Variants in GRID1 observed in about 807,000 individuals in gnomAD.
GRID1 encodes the protein glutamate ionotropic receptor delta type subunit 1.
GRID1 carries 28 observed loss-of-function variants against 98.0 expected under a neutral mutation model. The ratio of observed to expected loss-of-function variants is 0.29; its 90% CI spans 0.21 to 0.39. The LOEUF (loss-of-function observed/expected upper bound fraction) is 0.39. GRID1 is among the 10% of genes least tolerant of loss of function. GRID1 has a pLI of 1.00. For synonymous variants in GRID1, 553 were observed against 538.5 expected (o/e 1.03, Z -0.37); for missense variants, 1,111 against 1,340.5 (o/e 0.83, Z 2.67).
intron 14 of GRID1, among the ~76,000 whole-genome samples, 178 bp from the exon 15 acceptor site, chr10:85,613,825 T>C (rs935822841): frequency 6.6e-6 from 1 of 152,226 alleles, no homozygotes; most frequent in Admixed American, 6.5e-5. Context: ...TAAAGTGTTA[T>C]TCCCAAAACG....
In GRID1 at chr10:86,113,082, C is replaced by T. The variant is rs1176656505; in HGVS notation, c.726+25737G>A. ...AAAGTGAGGCTTTAAGGGTCTTACT[C>T]ATCTGATGCATGCAATGATATTTGT... On this transcript the variant is annotated intron_variant, in intron 4 of 15. Transcript: ENST00000327946. 6.6e-5 allele frequency among the ~76,000 whole-genome samples: 10 copies of T among 152,332 alleles called. No homozygotes were observed. The South Asian group carries it at 1.0e-3, about 16-fold the overall frequency.
chr10:86,341,438 G>A (rs370537363), intron 2 of GRID1, among the ~76,000 whole-genome samples: 19 of 152,176 alleles, frequency 1.2e-4, no homozygotes, highest in South Asian at 8.3e-4. Context: ...AGAAGGGCCC[G>A]CTTAGGGAAA....
At chr10:86,286,175 G>A (rs1158405942) in intron 2 of GRID1, among the ~76,000 whole-genome samples, 1 of 152,128 alleles carries the variant, frequency 6.6e-6, no homozygotes, top group East Asian at 1.9e-4. Context: ...ATAGATATAG[G>A]TGCATAGGTA....
chr10:86,197,859 C>T (rs940302558), intron 3 of GRID1, among the ~76,000 whole-genome samples: 2 of 152,022 alleles, frequency 1.3e-5, no homozygotes, highest in Non-Finnish European at 2.9e-5. Context: ...GTAATTAGAT[C>T]GAAGAACAAA....
chr10:86,102,429 A>C (rs780440240), intron 4 of GRID1, among the ~76,000 whole-genome samples: 9 of 152,264 alleles, frequency 5.9e-5, no homozygotes, highest in Non-Finnish European at 8.8e-5. Flanking sequence ...GGGCAGCTGA[A>C]GAAAGGGTCA....
rs556410146 is a variant in GRID1, at chr10:85,919,067, GC to G, written c.727-2829del. On this transcript the variant is annotated intron_variant, in intron 4 of 15. Transcript: ENST00000327946. ...CTGACCCTGCCTCTTGGCTTCAGGG[GC>G]TGAGAGCCCTGCTTCAGAATATGTA... Among the ~76,000 whole-genome samples the G allele has an allele frequency of 2.8e-3, 424 of 152,322 alleles. 1 individual carries two copies. Among genetic ancestry groups the G allele is most frequent in the African/African-American group, 9.6e-3 (398 of 41,578 alleles).
At chr10:86,316,539 G>A (rs1293387185) in intron 2 of GRID1, among the ~76,000 whole-genome samples, 1 of 152,236 alleles carries the variant, frequency 6.6e-6, no homozygotes, top group Admixed American at 6.5e-5. Flanking sequence ...AGCTGCCCCA[G>A]CCTAGGTGGA....
chr10:85,986,944 C>A (rs760443798), intron 4 of GRID1, among the ~76,000 whole-genome samples: 3 of 152,308 alleles, frequency 2.0e-5, no homozygotes, highest in Admixed American at 6.5e-5. Context: ...CCATCACAAC[C>A]ACTACAGCTC....
intron 4 of GRID1, among the ~76,000 whole-genome samples, chr10:86,110,473 C>T (rs1435344520): frequency 6.6e-6 from 1 of 152,170 alleles, no homozygotes; most frequent in African/African-American, 2.4e-5. Flanking sequence ...CAGCAGCCAC[C>T]TATTGAGAAG....
intron 8 of GRID1, among the ~76,000 whole-genome samples, chr10:85,746,972 T>G (rs2949391): frequency 0.67 from 102,567 of 151,998 alleles, 34,781 homozygotes; most frequent in East Asian, 0.81. Flanking sequence ...TATTCCCACA[T>G]CATCTAAAAT....
chr10:85,707,304 A>T (rs1374043235), intron 12 of GRID1, among the ~76,000 whole-genome samples: 1 of 152,244 alleles, frequency 6.6e-6, no homozygotes, highest in African/African-American at 2.4e-5. Context: ...AGTGGGCTAA[A>T]GGATATGAAC....
chr10:86,336,288 A>G lies in GRID1; in HGVS notation c.235+27653T>C, dbSNP rs536469132. Reference sequence around the variant, plus strand: ...TGCACAATGGCAGAGGCAGAGGCTAAAGGCTGATCACTGTAATCCCCAGCC... The same window carrying G: ...TGCACAATGGCAGAGGCAGAGGCTAGAGGCTGATCACTGTAATCCCCAGCC... On this transcript the variant is annotated intron_variant, in intron 2 of 15. Transcript: ENST00000327946. 1.4e-3 allele frequency among the ~76,000 whole-genome samples: 212 copies of G among 152,360 alleles called. 1 individual carries two copies. Among genetic ancestry groups the G allele is most frequent in the African/African-American group, 4.8e-3 (201 of 41,580 alleles).
chr10:86,304,854 C>T (rs73338233), intron 2 of GRID1, among the ~76,000 whole-genome samples: 2,992 of 152,174 alleles, frequency 0.02, 101 homozygotes, highest in African/African-American at 0.067. Flanking sequence ...GTGTTCTCAG[C>T]CCTGAGCCTC....
At chr10:85,935,854 T>C (rs1455834698) in intron 4 of GRID1, among the ~76,000 whole-genome samples, 22 of 152,198 alleles carry the variant, frequency 1.4e-4, no homozygotes, top group Admixed American at 1.4e-3. Flanking sequence ...AACCTGGCAA[T>C]CTGGTGCCAA....
intron 8 of GRID1, 59 bp downstream of exon 8, chr10:85,854,437 T>C (rs1373110679): frequency 1.3e-6 from 2 of 1,554,236 alleles, no homozygotes; most frequent in African/African-American, 1.4e-5. Context: ...CCTGTAGCTG[T>C]TGCTGTCTTT....
At chr10:85,880,920 C>A (rs2131802886) in intron 5 of GRID1, among the ~76,000 whole-genome samples, 1 of 152,298 alleles carries the variant, frequency 6.6e-6, no homozygotes, top group Non-Finnish European at 1.5e-5. Context: ...GCAACTTCAG[C>A]AAAGTCTCAG....
rs867524843 is a variant in GRID1, at chr10:85,664,006, T to C, written c.1998-16609A>G. On this transcript the variant is annotated intron_variant, in intron 12 of 15. Transcript: ENST00000327946. ...CCAGAGTATAAAAGGCACAGTGTCC[T>C]TTCCAGCATGATTTCATTCCTGGCG... is the stretch of plus-strand genomic sequence containing the variant. 1.7e-4 allele frequency among the ~76,000 whole-genome samples: 26 copies of C among 152,322 alleles called. 1 individual carries two copies. Among genetic ancestry groups the C allele is most frequent in the South Asian group, 1.4e-3 (7 of 4,828 alleles).
chr10:85,960,774 C>T (rs567709373), intron 4 of GRID1, among the ~76,000 whole-genome samples: 1 of 152,346 alleles, frequency 6.6e-6, no homozygotes, highest in East Asian at 1.9e-4. Context: ...CACGGCCACA[C>T]CAGCCTTGCT....
At chr10:86,289,573 T>C (rs1847483205) in intron 2 of GRID1, among the ~76,000 whole-genome samples, 1 of 151,540 alleles carries the variant, frequency 6.6e-6, no homozygotes, top group South Asian at 2.1e-4. Context: ...CTTTCTAAAA[T>C]ATGGCTCTGA....
Sources: gnomAD v4.1 joint callset for allele counts (sites outside exome capture counted in the v4.1 genomes callset) on GRCh38, gnomAD v4.1.1 for gene constraint, MANE v1.5 for transcripts, NCBI Gene and HGNC (gene_info 2026-07-23, HGNC 2026-07-21) for gene names.